The following B4GALNT1 variants were observed in gnomAD, a reference collection of about 807,000 sequenced individuals.
B4GALNT1 encodes beta-1,4 N-acetylgalactosaminyltransferase 1.
In B4GALNT1, 43 loss-of-function variants were observed where a neutral mutation model predicts 55.2. The observed-to-expected ratio is 0.78, with a 90% CI of 0.61 to 1.00. The LOEUF (loss-of-function observed/expected upper bound fraction) is 1.00. Ranked by LOEUF, B4GALNT1 falls within the 50% of genes least tolerant of loss-of-function variation. The pLI is 0.00. For synonymous variants in B4GALNT1, 305 were observed against 311.6 expected, an observed-to-expected ratio of 0.98 and a Z score of 0.22; for missense variants, 664 against 729.7, an observed-to-expected ratio of 0.91 and a Z score of 1.04.
At chr12:57,630,861 C>T in intron 4 of B4GALNT1, 119 bp downstream of exon 4, 4 of 1,002,178 alleles carry the variant, frequency 4.0e-6, no homozygotes, top group Non-Finnish European at 6.0e-6. Flanking sequence ...AGCTTAAGTC[C>T]CCCATTCATC....
chr12:57,627,990 C>T, intron 9 of B4GALNT1, 132 bp from the exon 10 acceptor site: 10 of 1,483,450 alleles, frequency 6.7e-6, no homozygotes, highest in Non-Finnish European at 8.9e-6. Flanking sequence ...AGGACCCAGA[C>T]AGTTCCCAGG....
At position 57,624,559 on chromosome 12, in the gene B4GALNT1, T is replaced by A. The variant is rs1884672818; in HGVS notation, c.*2185A>T. 1.6e-6 allele frequency: 1 copy of A among 644,480 alleles called. No homozygotes were observed. Among genetic ancestry groups the A allele is most frequent in the African/African-American group, 1.8e-5 (1 of 56,154 alleles). 39.9% of individuals were successfully genotyped at this position (644,480 alleles called of 1,614,324 possible). ...CCCTGAGTGTGGATTTGGGCCTGGC[T>A]GTGGGTGTGGTCTTCTCCATGATGA... On this transcript the variant is annotated 3_prime_UTR_variant, in exon 11 of 11. Coordinates refer to ENST00000341156, the MANE Select transcript of B4GALNT1 (RefSeq NM_001478.5).
rs113097466 is a variant in B4GALNT1 at position 57,623,557 on chromosome 12, C to G, written c.*3187G>C. ...ACATATACCCTGCTTATAGGGTAAC[C>G]CAACAGTGGCTTTTAAGGTGGAGGT... On this transcript the variant is annotated 3_prime_UTR_variant, in exon 11 of 11. Transcript: ENST00000341156. The G allele has an allele frequency of 3.9e-6, 2 of 510,792 alleles. No homozygotes were observed. The highest frequency in any genetic ancestry group is 2.4e-5 in the South Asian group (1 of 41,634). The allele number at this position is 510,792 out of a possible 1,614,324, so 31.6% of individuals were successfully genotyped here.
At position 57,624,894 on chromosome 12, in the gene B4GALNT1, T is replaced by G. The variant is rs768099375; in HGVS notation, c.*1850A>C. The G allele has an allele frequency of 1.2e-6, 2 of 1,614,164 alleles. No homozygotes were observed. The highest frequency in any genetic ancestry group is 1.7e-5 in the Admixed American group (1 of 60,030). On this transcript the variant is annotated 3_prime_UTR_variant, in exon 11 of 11. Transcript: ENST00000341156. ...CTCCAGGTCCCGGGGCTCTGCATCC[T>G]GAGCTATCCAACACCACTGTACTTT...
In B4GALNT1 at chr12:57,631,070, C is replaced by G. The variant is rs771694142; in HGVS notation, c.400G>C (p.Asp134His). The change falls in exon 4 of 11, where the codon GAC becomes CAC. Residue 134 changes from aspartate (D) to histidine (H), a missense_variant. By Grantham distance (81) the Asp-to-His change is moderately conservative. Coordinates refer to ENST00000341156, the MANE Select transcript of B4GALNT1 (RefSeq NM_001478.5). Reference sequence around the variant, plus strand: ...TTGGCAGGGGCTATGAGCAGCTGGTCAGCTGGGGACTGGCTCCTGGCAGTG... The same window carrying G: ...TTGGCAGGGGCTATGAGCAGCTGGTGAGCTGGGGACTGGCTCCTGGCAGTG... Reference protein sequence around the residue: ...AFLSRSQSPADQLLIAPANSP... With the variant: ...AFLSRSQSPAHQLLIAPANSP... The G allele has an allele frequency of 6.2e-7, 1 of 1,611,754 alleles. No homozygotes were observed. Among genetic ancestry groups the G allele is most frequent in the Non-Finnish European group, 8.5e-7 (1 of 1,179,026 alleles).
Position 57,629,066 on chromosome 12 carries a change from C to A in B4GALNT1, c.793G>T (p.Gly265Trp). The change falls in exon 7 of 11, where the codon GGG becomes TGG. Residue 265 changes from glycine (G) to tryptophan (W), a missense_variant. Gly to Trp is a radical substitution (Grantham distance 184). Coordinates refer to ENST00000341156, the MANE Select transcript of B4GALNT1 (RefSeq NM_001478.5). ...HPPNPRLYPP[G>W]SLPQGAQYNI... ...GCCTCACCTCCCTGGGGTAGAGACC[C>A]AGGTGGGTACAGCCGAGGGTTGGGC... The A allele has an allele frequency of 6.3e-7, 1 of 1,588,956 alleles. No individual in the cohort carries two copies. The highest frequency in any genetic ancestry group is 1.1e-5 in the South Asian group (1 of 88,318).
rs1010614419 is a variant in B4GALNT1 at position 57,624,897 on chromosome 12, G to C, written c.*1847C>G. The C allele has an allele frequency of 1.2e-6, 2 of 1,614,162 alleles. No individual in the cohort carries two copies. The highest frequency in any genetic ancestry group is 1.3e-5 in the African/African-American group (1 of 75,004). ...CAGGTCCCGGGGCTCTGCATCCTGA[G>C]CTATCCAACACCACTGTACTTTGGG... is the stretch of plus-strand genomic sequence containing the variant. On this transcript the variant is annotated 3_prime_UTR_variant, in exon 11 of 11. Coordinates refer to ENST00000341156, the MANE Select transcript of B4GALNT1 (RefSeq NM_001478.5).
intron 9 of B4GALNT1, 42 bp downstream of exon 9, chr12:57,628,080 A>T (rs775885487): frequency 1.9e-6 from 3 of 1,609,762 alleles, no homozygotes. Flanking sequence ...TAGCCTGTTC[A>T]AGGCCCTTCT....
At position 57,624,888 on chromosome 12, in the gene B4GALNT1, G is replaced by A. The variant is rs746354800; in HGVS notation, c.*1856C>T. 38 of 1,614,080 alleles carry A rather than the reference G, an allele frequency of 2.4e-5. No homozygotes were observed. In the South Asian group the frequency reaches 4.0e-4, roughly 17 times the overall value. Reference sequence around the variant, plus strand: ...TAGCTCCTCCAGGTCCCGGGGCTCTGCATCCTGAGCTATCCAACACCACTG... The same window carrying A: ...TAGCTCCTCCAGGTCCCGGGGCTCTACATCCTGAGCTATCCAACACCACTG... On this transcript the variant is annotated 3_prime_UTR_variant, in exon 11 of 11. Transcript: ENST00000341156.
rs775858514 is a variant in B4GALNT1 at position 57,628,198 on chromosome 12, T to C, written c.1067A>G (p.Asp356Gly). Residue 356 changes from aspartate (D) to glycine (G), a missense_variant, in exon 9 of 11, where the codon GAC becomes GGC. Transcript: ENST00000341156. The stretch of plus-strand genomic sequence containing the variant: ...CCGCGCCGTGAAGACGAAGTCGTCG[T>C]CCACCCACAGCACGTACTTGGTGGT... Reference protein sequence around the residue: ...QVTTKYVLWVDDDFVFTARTR... With the variant: ...QVTTKYVLWVGDDFVFTARTR... 3.7e-6 allele frequency: 6 copies of C among 1,614,272 alleles called. No homozygotes were observed. Among genetic ancestry groups the C allele is most frequent in the Non-Finnish European group, 5.1e-6 (6 of 1,180,040 alleles).
rs372719236 is a variant in B4GALNT1 at position 57,631,409 on chromosome 12, G to T, written c.219-45C>A. 1.1e-4 allele frequency: 170 copies of T among 1,605,744 alleles called. 3 individuals are homozygous for T. In the East Asian group the frequency reaches 1.1e-3, roughly 11 times the overall value. ...AGGGTCATCAGAGCCCAGCTACACA[G>T]CTCCATTCATCCCATAAACACTGAC... On this transcript the variant is annotated intron_variant, in intron 2 of 10. Coordinates refer to ENST00000341156, the MANE Select transcript of B4GALNT1 (RefSeq NM_001478.5).
intron 6 of B4GALNT1, chr12:57,629,889 C>A (rs1402607477): frequency 6.5e-7 from 1 of 1,532,322 alleles, no homozygotes; most frequent in Non-Finnish European, 8.7e-7. Flanking sequence ...AGACAAGTCT[C>A]TTCCTGGGGC....
Position 57,630,348 on chromosome 12 carries a change from A to G in B4GALNT1, c.532-16T>C, listed in dbSNP as rs752588591. ...TCAGGTTCACCTAGGAGGGGATTGG[A>G]GAGTGCAGGGTTAGGCCCCAGACCC... On this transcript the variant is annotated splice_polypyrimidine_tract_variant and intron_variant, in intron 5 of 10. Coordinates refer to ENST00000341156, the MANE Select transcript of B4GALNT1 (RefSeq NM_001478.5). The G allele has an allele frequency of 6.2e-7, 1 of 1,612,774 alleles. No individual in the cohort carries two copies. The highest frequency in any genetic ancestry group is 1.1e-5 in the South Asian group (1 of 91,002).
chr12:57,630,845 C>G (rs900048976), intron 4 of B4GALNT1, 135 bp downstream of exon 4: 1 of 881,660 alleles, frequency 1.1e-6, no homozygotes, highest in African/African-American at 1.7e-5. Context: ...CCTAAGCCGC[C>G]GTTTGAGCTT....
In B4GALNT1 at chr12:57,626,581, G is replaced by C; in HGVS notation, c.*163C>G. 1.2e-6 allele frequency: 1 copy of C among 809,438 alleles called. No individual in the cohort carries two copies. The highest frequency in any genetic ancestry group is 2.0e-6 in the Non-Finnish European group (1 of 504,158). 50.1% of individuals were successfully genotyped at this position (809,438 alleles called of 1,614,324 possible). On this transcript the variant is annotated 3_prime_UTR_variant, in exon 11 of 11. Coordinates refer to ENST00000341156, the MANE Select transcript of B4GALNT1 (RefSeq NM_001478.5). ...ACTGGAAAAAGGAGGGGTGTCACCA[G>C]GACAACCCCTACTGGGCATCAGGTT...
chr12:57,632,163 A>T (rs2140254790), intron 1 of B4GALNT1, 30 bp from the exon 2 acceptor site: 318 of 1,205,962 alleles, frequency 2.6e-4, no homozygotes, highest in Middle Eastern at 3.9e-4. Flanking sequence ...GGAGTGAGAA[A>T]GGGAGGGAAG....
chr12:57,629,871 A>G (rs918765058), intron 6 of B4GALNT1: 18 of 1,522,244 alleles, frequency 1.2e-5, no homozygotes, highest in Non-Finnish European at 1.6e-5. Context: ...ATAGTCTTCT[A>G]ACTCCTTAGA....
Position 57,626,869 on chromosome 12 carries a change from A to T in B4GALNT1, c.1477T>A (p.Ser493Thr). The change falls in exon 11 of 11, where the codon TCA becomes ACA. Residue 493 changes from serine to threonine, a missense_variant. By Grantham distance (58) the Ser-to-Thr change is moderately conservative. Transcript: ENST00000341156. ...HASKLKLPWT[S>T]RDAGAETYAR... is the part of the protein sequence containing the mutation. ...TAAGTCTCTGCTCCGGCATCCCTTG[A>T]TGTCCAAGGCAGCTTCAGTTTGGAT... is the stretch of plus-strand genomic sequence containing the variant. 1.2e-6 allele frequency: 2 copies of T among 1,614,146 alleles called. No individual in the cohort carries two copies. Among genetic ancestry groups the T allele is most frequent in the Non-Finnish European group, 1.7e-6 (2 of 1,180,028 alleles).
chr12:57,627,042 G>T, intron 10 of B4GALNT1, 81 bp from the exon 11 acceptor site: 2 of 1,254,994 alleles, frequency 1.6e-6, no homozygotes, highest in Non-Finnish European at 1.1e-6. Context: ...TCAAATTTAG[G>T]GTGTGGAAAG....
Sources: allele counts gnomAD v4.1 joint callset, GRCh38; gene constraint gnomAD v4.1.1; transcripts MANE v1.5; gene names NCBI Gene and HGNC (gene_info 2026-07-23, HGNC 2026-07-21).